The following PLEKHG4B variants were observed in gnomAD, a reference collection of about 807,000 sequenced individuals.
PLEKHG4B encodes pleckstrin homology and RhoGEF domain containing G4B.
A neutral mutation model predicts 121.3 loss-of-function variants in PLEKHG4B; 111 were observed. The observed-to-expected ratio is 0.92, with a 90% CI of 0.78 to 1.07. PLEKHG4B has a LOEUF of 1.07. Among genes scored for constraint, PLEKHG4B ranks in the 50% least tolerant of loss-of-function variants. PLEKHG4B has a pLI of 0.00. For synonymous variants in PLEKHG4B, 738 were observed against 725.0 expected, an observed-to-expected ratio of 1.02 and a Z score of -0.29; for missense variants, 1,831 against 1,757.8, an observed-to-expected ratio of 1.04 and a Z score of -0.74.
intron 1 of PLEKHG4B, among the ~76,000 whole-genome samples, chr5:107,511 A>C (rs908425876): frequency 3.3e-5 from 5 of 152,198 alleles, no homozygotes; most frequent in African/African-American, 4.8e-5. Context: ...TCCCTTACCC[A>C]TCTGCTCATG....
chr5:110,559 C>T (rs1231841234), intron 1 of PLEKHG4B, among the ~76,000 whole-genome samples: 5 of 150,752 alleles, frequency 3.3e-5, no homozygotes, highest in Admixed American at 1.3e-4. Flanking sequence ...CACACACCCA[C>T]GCAATCTGCA....
rs146704242 is a variant in PLEKHG4B, at chr5:156,349, G to A, written c.2348+139G>A. ...TCCAGACCTCCATTCTGACAGCCAC[G>A]CTTTGCCTGGGTCAGAGCTTTTCCA... On this transcript the variant is annotated intron_variant, in intron 10 of 19. Transcript: ENST00000637938. The surrounding 1 kb of genome is among the most constrained non-coding windows in gnomAD (Gnocchi z 4.4). 5.0e-6 allele frequency: 5 copies of A among 990,490 alleles called. No individual in the cohort carries two copies. The highest frequency in any genetic ancestry group is 5.9e-5 in the East Asian group (2 of 33,704). The allele number at this position is 990,490 out of a possible 1,614,324, so 61.4% of individuals were successfully genotyped here.
rs145659236 is a variant in PLEKHG4B, at chr5:155,866, C to T, written c.2209-205C>T. On this transcript the variant is annotated intron_variant, in intron 9 of 19. Coordinates refer to ENST00000637938, the MANE Select transcript of PLEKHG4B (RefSeq NM_052909.5). Reference sequence around the variant, plus strand: ...CCTCCTACAGCTGAGCTTTGAGCCCCCTTCTTCTCCCTCCCAGGGATCTTA... The same window carrying T: ...CCTCCTACAGCTGAGCTTTGAGCCCTCTTCTTCTCCCTCCCAGGGATCTTA... Among the ~76,000 whole-genome samples, 1,358 of 152,126 alleles carry T rather than the reference C, an allele frequency of 8.9e-3. 11 individuals are homozygous for T. Among genetic ancestry groups the T allele is most frequent in the Non-Finnish European group, 0.014 (926 of 67,964 alleles).
At chr5:110,034 A>C (rs1408081490) in intron 1 of PLEKHG4B, among the ~76,000 whole-genome samples, 2 of 150,358 alleles carry the variant, frequency 1.3e-5, no homozygotes, top group African/African-American at 2.5e-5. Context: ...GCACACACCC[A>C]CACAATCTGC....
intron 2 of PLEKHG4B, among the ~76,000 whole-genome samples, chr5:126,567 T>C (rs1734619127): frequency 6.6e-6 from 1 of 152,148 alleles, no homozygotes; most frequent in Admixed American, 6.5e-5. Flanking sequence ...TACTTTCCTG[T>C]TTGTTTGAAG....
chr5:97,857 C>T lies in PLEKHG4B; in HGVS notation c.45+5581C>T, dbSNP rs1733675261. On this transcript the variant is annotated intron_variant, in intron 1 of 19. Transcript: ENST00000637938. ...AGTTCTGTGTAACTTTTTGACAGAC[C>T]ACCAGACTCGCTCCATAGCAGCTGC... Among the ~76,000 whole-genome samples the T allele has an allele frequency of 1.3e-5, 2 of 152,088 alleles. 1 individual carries two copies. Among genetic ancestry groups the T allele is most frequent in the African/African-American group, 4.8e-5 (2 of 41,352 alleles).
At chr5:167,537 G>A (rs1028546980) in intron 13 of PLEKHG4B, among the ~76,000 whole-genome samples, 31 of 138,954 alleles carry the variant, frequency 2.2e-4, no homozygotes, top group Admixed American at 1.7e-3. Context: ...GAAAAGCAAC[G>A]CACCTCACTG....
rs562182131 is a variant in PLEKHG4B, at chr5:152,096, C to T, written c.1992+497C>T. ...TACTTCCTTTCTTTTGAGCAAATCGCAATGCGAGCGGGCTTGGTTTTCTTC... is the reference window on the plus strand; with the variant it reads ...TACTTCCTTTCTTTTGAGCAAATCGTAATGCGAGCGGGCTTGGTTTTCTTC... On this transcript the variant is annotated intron_variant, in intron 7 of 19. Transcript: ENST00000637938. 6.6e-5 allele frequency among the ~76,000 whole-genome samples: 10 copies of T among 152,238 alleles called. No individual in the cohort carries two copies. In the South Asian group the frequency reaches 1.9e-3, roughly 28 times the overall value.
intron 19 of PLEKHG4B, 99 bp downstream of exon 19, chr5:181,774 C>T: frequency 3.4e-6 from 5 of 1,472,864 alleles, no homozygotes; most frequent in Non-Finnish European, 4.6e-6. Flanking sequence ...CCTCACTCGC[C>T]CACAGAGTGC....
chr5:114,345 G>T (rs528236577), intron 2 of PLEKHG4B, among the ~76,000 whole-genome samples: 3 of 152,284 alleles, frequency 2.0e-5, no homozygotes, highest in South Asian at 4.1e-4. Context: ...AATTGGAGTC[G>T]ATCCTCTCAC....
chr5:127,423 AG>A (rs1734655191), intron 2 of PLEKHG4B, among the ~76,000 whole-genome samples: 1 of 150,338 alleles, frequency 6.7e-6, no homozygotes, highest in African/African-American at 2.4e-5. Flanking sequence ...TGTAACCGTA[AG>A]GTCATTTCAG....
chr5:163,573 C>G (rs372232155), intron 13 of PLEKHG4B, 25 bp downstream of exon 13: 2 of 1,521,158 alleles, frequency 1.3e-6, no homozygotes. Context: ...CCCCTCCTCT[C>G]GTCCTAGCAG....
chr5:166,537 C>T (rs1428337997), intron 13 of PLEKHG4B, among the ~76,000 whole-genome samples: 7 of 58,602 alleles, frequency 1.2e-4, no homozygotes, highest in African/African-American at 2.2e-4. Flanking sequence ...AATGCTCTGA[C>T]GGGGCGGGGC....
At chr5:92,656 AACCTCGTGAAT>A (rs952066992) in intron 1 of PLEKHG4B, among the ~76,000 whole-genome samples, 2 of 151,308 alleles carry the variant, frequency 1.3e-5, no homozygotes, top group African/African-American at 4.9e-5. Context: ...TTTTCCTTGT[AACCTCGTGAAT>A]ACTCGGGAGA....
rs144694162 is a variant in PLEKHG4B, at chr5:143,081, C to A, written c.1512C>A (p.Asp504Glu). 1.9e-6 allele frequency: 3 copies of A among 1,613,082 alleles called. No homozygotes were observed. The highest frequency in any genetic ancestry group is 2.7e-5 in the African/African-American group (2 of 74,930). The change falls in exon 4 of 20, where the codon GAC (aspartate) becomes GAA (glutamate). Residue 504 changes from aspartate (D) to glutamate (E), a missense_variant. Coordinates refer to ENST00000637938, the MANE Select transcript of PLEKHG4B (RefSeq NM_052909.5). Reference protein sequence around the residue: ...VLASSACVSTDGGSLHCHNPS... With the variant: ...VLASSACVSTEGGSLHCHNPS... Reference sequence around the variant, plus strand: ...CATCCTCAGCCTGTGTCAGCACAGACGGCGGCAGCCTCCATTGCCACAACC... The same window carrying A: ...CATCCTCAGCCTGTGTCAGCACAGAAGGCGGCAGCCTCCATTGCCACAACC...
Position 140,196 on chromosome 5 carries a change from C to A in PLEKHG4B, c.957C>A (p.Asp319Glu), listed in dbSNP as rs904487281. Residue 319 changes from aspartate to glutamate, a missense_variant, in exon 3 of 20, where the codon GAC (aspartate) becomes GAA (glutamate). Physicochemically the swap from Asp to Glu is conservative, Grantham distance 45. Coordinates refer to ENST00000637938, the MANE Select transcript of PLEKHG4B (RefSeq NM_052909.5). ...GGCCGGACCCCATGGACCAGGAGGA[C>A]AGACCCAAGGCCCTCACCTTCCACA... Reference protein sequence around the residue: ...GERPDPMDQEDRPKALTFHTD... With the variant: ...GERPDPMDQEERPKALTFHTD... The A allele has an allele frequency of 2.5e-6, 3 of 1,178,822 alleles. No homozygotes were observed. The African/African-American group carries it at 4.7e-5, about 18-fold the overall frequency. The allele number at this position is 1,178,822 out of a possible 1,614,324, so 73.0% of individuals were successfully genotyped here. A position where few individuals can be genotyped will look rare whatever the true frequency, so the allele number is the denominator to read the frequency against.
chr5:101,715 A>G (rs1245965052), intron 1 of PLEKHG4B, among the ~76,000 whole-genome samples: 76 of 125,352 alleles, frequency 6.1e-4, no homozygotes, highest in African/African-American at 1.7e-3. Context: ...AAAGCCCTGG[A>G]AAAAGCCTGT....
At chr5:118,030 A>G (rs1221996244) in intron 2 of PLEKHG4B, among the ~76,000 whole-genome samples, 1 of 152,176 alleles carries the variant, frequency 6.6e-6, no homozygotes, top group South Asian at 2.1e-4. Flanking sequence ...AAAAAGCACA[A>G]TGTCTGTGAC....
At chr5:107,343 C>G (rs907179464) in intron 1 of PLEKHG4B, among the ~76,000 whole-genome samples, 1 of 152,208 alleles carries the variant, frequency 6.6e-6, no homozygotes, top group African/African-American at 2.4e-5. Context: ...CTCTGGGCCC[C>G]ATCCTGGGCA....
Sources: allele counts gnomAD v4.1 joint callset (sites outside exome capture counted in the v4.1 genomes callset), GRCh38; gene constraint gnomAD v4.1.1; non-coding constraint Gnocchi (gnomAD v3.1); transcripts MANE v1.5; gene names NCBI Gene and HGNC (gene_info 2026-07-23, HGNC 2026-07-21).